The following PTK2 variants were observed in gnomAD, a reference collection of about 807,000 sequenced individuals.
The protein encoded by PTK2 is focal adhesion kinase 1.
Under a neutral mutation model 150.1 loss-of-function variants are expected in PTK2, and 45 were observed. The ratio of observed to expected loss-of-function variants is 0.30; its 90% confidence interval spans 0.24 to 0.38. The LOEUF is 0.38. Ranked by LOEUF, PTK2 falls within the 10% of genes least tolerant of loss-of-function variation. The pLI is 1.00. For missense variants in PTK2, 919 were observed against 1,307.3 expected (o/e 0.70, Z 4.58); for synonymous variants, 432 against 449.2 (o/e 0.96, Z 0.48).
chr8:140,732,427 T>G (rs944896950), intron 22 of PTK2: 2 of 422,688 alleles, frequency 4.7e-6, no homozygotes, highest in Non-Finnish European at 9.2e-6. Flanking sequence ...GGATACTTTT[T>G]GGAGATAATT....
intron 1 of PTK2, among the ~76,000 whole-genome samples, chr8:140,959,763 T>C (rs1214113422): frequency 6.6e-6 from 1 of 151,738 alleles, no homozygotes. Flanking sequence ...GAGGCCAAGG[T>C]TGGAGGACAG....
In PTK2 at chr8:140,695,513, C is replaced by T. The variant is rs545716284; in HGVS notation, c.2499+5378G>A. Among the ~76,000 whole-genome samples the T allele has an allele frequency of 5.3e-5, 8 of 151,852 alleles. No homozygotes were observed. The South Asian group carries it at 1.5e-3, about 28-fold the overall frequency. The stretch of plus-strand genomic sequence containing the variant: ...GCAACGTCTGCCTCTTGGGTTCAAG[C>T]AATTCTGCTGCTGCAGCCTCCTGAG... On this transcript the variant is annotated intron_variant, in intron 26 of 31. Coordinates refer to ENST00000522684, the Ensembl canonical transcript of PTK2.
intron 4 of PTK2, among the ~76,000 whole-genome samples, chr8:140,877,497 C>A (rs978034459): frequency 6.6e-6 from 1 of 152,160 alleles, no homozygotes; most frequent in African/African-American, 2.4e-5. Flanking sequence ...ACAAGTTTAT[C>A]AATTTTGTTT....
At chr8:140,814,920 G>A (rs943340781) in intron 10 of PTK2, among the ~76,000 whole-genome samples, 2 of 152,018 alleles carry the variant, frequency 1.3e-5, no homozygotes, top group Admixed American at 6.6e-5. Context: ...GACTACAGGC[G>A]CATGCCACCA....
chr8:140,805,730 T>C (rs1347304469), intron 10 of PTK2, among the ~76,000 whole-genome samples: 1 of 152,142 alleles, frequency 6.6e-6, no homozygotes, highest in Admixed American at 6.6e-5. Context: ...TTCACAGTTG[T>C]CACTATAGTC....
chr8:140,954,908 C>G (rs1336840690), intron 1 of PTK2: 1 of 152,040 alleles, frequency 6.6e-6, no homozygotes, highest in African/African-American at 2.4e-5. Context: ...ATTGTACTGT[C>G]CACCTTACAG....
At chr8:140,667,126 G>A (rs543468819) in intron 30 of PTK2, among the ~76,000 whole-genome samples, 2 of 152,310 alleles carry the variant, frequency 1.3e-5, no homozygotes, top group Admixed American at 6.5e-5. Context: ...GGGGAAAAGA[G>A]GAGGGTTGTT....
At chr8:140,669,340 T>TATATATATATACATATATATATATATAC (rs1377363515) in intron 29 of PTK2, 10 of 132,844 alleles carry the variant, frequency 7.5e-5, no homozygotes, top group African/African-American at 3.0e-4. Context: ...TATATATATA[T>TATATATATATACATATATATATATATAC]ACACTTTTTA....
At chr8:140,987,896 T>C (rs1338701539) in intron 1 of PTK2, among the ~76,000 whole-genome samples, 2 of 152,028 alleles carry the variant, frequency 1.3e-5, no homozygotes, top group Admixed American at 1.3e-4. Flanking sequence ...GTTTTTTTAA[T>C]TAGCCATGTG....
chr8:140,752,359 G>C, intron 16 of PTK2, 43 bp from the exon 20 acceptor site: 1 of 1,555,616 alleles, frequency 6.4e-7, no homozygotes, highest in Non-Finnish European at 8.9e-7. Flanking sequence ...ATGCAAAAAG[G>C]TTTGCTATAT....
intron 3 of PTK2, among the ~76,000 whole-genome samples, chr8:140,885,974 G>T (rs1407151472): frequency 6.6e-6 from 1 of 152,156 alleles, no homozygotes; most frequent in Admixed American, 6.5e-5. Context: ...AGGGAAACAA[G>T]ATGTCAGTTA....
At chr8:140,675,684 T>G in intron 27 of PTK2, 185 bp from the exon 31 acceptor site, 1 of 562,652 alleles carries the variant, frequency 1.8e-6, no homozygotes, top group Non-Finnish European at 3.2e-6. Flanking sequence ...AAGCAAATGA[T>G]GCCAATAGCA....
At chr8:140,794,916 G>T (rs1013243027) in intron 12 of PTK2, among the ~76,000 whole-genome samples, 1 of 152,116 alleles carries the variant, frequency 6.6e-6, no homozygotes, top group Non-Finnish European at 1.5e-5. Flanking sequence ...AAGGTTGCTG[G>T]GACTTGCTGA....
intron 1 of PTK2, among the ~76,000 whole-genome samples, chr8:140,945,735 A>G (rs72685786): frequency 0.13 from 19,392 of 152,190 alleles, 1,937 homozygotes; most frequent in East Asian, 0.46. Flanking sequence ...GGCAAAGTCA[A>G]TAAGTTAATA....
intron 31 of PTK2, among the ~76,000 whole-genome samples, chr8:140,663,636 T>C (rs941301046): frequency 2.6e-5 from 4 of 152,212 alleles, no homozygotes; most frequent in Non-Finnish European, 5.9e-5. Flanking sequence ...AAAATGATAG[T>C]TGTTGCTGGG....
intron 5 of PTK2, among the ~76,000 whole-genome samples, chr8:140,858,134 C>T (rs181420409): frequency 5.3e-4 from 81 of 151,974 alleles, no homozygotes; most frequent in African/African-American, 1.8e-3. Context: ...ACAAATGCAC[C>T]AAACATAAAA....
intron 22 of PTK2, among the ~76,000 whole-genome samples, chr8:140,731,291 C>T (rs1003910406): frequency 4.6e-5 from 7 of 151,976 alleles, no homozygotes; most frequent in Non-Finnish European, 7.4e-5. Flanking sequence ...ATATTTGGTG[C>T]GCTCTTATAA....
At chr8:140,957,941 A>C (rs1033900559) in intron 1 of PTK2, among the ~76,000 whole-genome samples, 1 of 152,232 alleles carries the variant, frequency 6.6e-6, no homozygotes, top group African/African-American at 2.4e-5. Flanking sequence ...CAAAAACAGA[A>C]TTACAAAAAG....
chr8:140,752,991 AG>A, intron 16 of PTK2, among the ~76,000 whole-genome samples: 1 of 152,360 alleles, frequency 6.6e-6, no homozygotes, highest in South Asian at 2.1e-4. Context: ...CAAGGCCAAT[AG>A]AAAGATGCGA....
Sources: gnomAD v4.1 joint callset for allele counts (sites outside exome capture counted in the v4.1 genomes callset) on GRCh38, gnomAD v4.1.1 for gene constraint, MANE v1.5 for transcripts, NCBI Gene and HGNC (gene_info 2026-07-23, HGNC 2026-07-21) for gene names.